The following RTN1 variants were observed in gnomAD, a reference collection of about 807,000 sequenced individuals.
The protein encoded by RTN1 is reticulon-1.
Under a neutral mutation model 65.5 loss-of-function variants are expected in RTN1, and 25 were observed. The observed-to-expected ratio is 0.38, with a 90% CI of 0.28 to 0.53. RTN1 has a LOEUF of 0.53. Ranked by LOEUF, RTN1 falls within the 20% of genes least tolerant of loss-of-function variation. RTN1 has a pLI of 0.79. For missense variants in RTN1, 983 were observed against 1,025.4 expected (o/e 0.96, Z 0.57); for synonymous variants, 471 against 447.6 (o/e 1.05, Z -0.66).
intron 1 of RTN1, among the ~76,000 whole-genome samples, chr14:59,835,264 A>C (rs1281041563): frequency 6.6e-6 from 1 of 152,154 alleles, no homozygotes; most frequent in African/African-American, 2.4e-5. Context: ...AAAATAGCAT[A>C]TATGGTATGA....
intron 1 of RTN1, among the ~76,000 whole-genome samples, chr14:59,785,487 C>T (rs1886234895): frequency 1.3e-5 from 2 of 152,160 alleles, no homozygotes; most frequent in South Asian, 4.1e-4. Context: ...TTTGTCTCTA[C>T]CTAAATACAT....
At chr14:59,793,382 A>C (rs993134629) in intron 1 of RTN1, among the ~76,000 whole-genome samples, 15 of 152,216 alleles carry the variant, frequency 9.9e-5, no homozygotes, top group Admixed American at 9.8e-4. Flanking sequence ...AGCTGTCCTT[A>C]GAATAAAAGG....
At chr14:59,655,227 T>C (rs1038992482) in intron 3 of RTN1, among the ~76,000 whole-genome samples, 3 of 152,088 alleles carry the variant, frequency 2.0e-5, no homozygotes, top group African/African-American at 7.2e-5. Flanking sequence ...AGGAATAAAA[T>C]ACTTAGGAAT....
At chr14:59,834,169 A>G (rs980576596) in intron 1 of RTN1, among the ~76,000 whole-genome samples, 1 of 152,214 alleles carries the variant, frequency 6.6e-6, no homozygotes, top group Middle Eastern at 3.2e-3. Flanking sequence ...AAGGAAAAAA[A>G]AGATGAACTT....
intron 3 of RTN1, among the ~76,000 whole-genome samples, chr14:59,721,516 C>A (rs1259287648): frequency 6.6e-6 from 1 of 152,052 alleles, no homozygotes; most frequent in African/African-American, 2.4e-5. Context: ...AGATGTATGC[C>A]CCAGCCAGTT....
chr14:59,771,319 G>A (rs967141059), intron 1 of RTN1, among the ~76,000 whole-genome samples: 8 of 152,072 alleles, frequency 5.3e-5, no homozygotes, highest in African/African-American at 1.9e-4. Context: ...TAACCCAATG[G>A]GTTGACTAAG....
chr14:59,669,307 G>A (rs557594222), intron 3 of RTN1, among the ~76,000 whole-genome samples: 2 of 152,254 alleles, frequency 1.3e-5, no homozygotes, highest in South Asian at 2.1e-4. Flanking sequence ...TCTTTGCAGG[G>A]ACATGGATGG....
At chr14:59,859,974 A>G (rs866167524) in intron 1 of RTN1, among the ~76,000 whole-genome samples, 1 of 152,246 alleles carries the variant, frequency 6.6e-6, no homozygotes, top group Middle Eastern at 3.2e-3. Flanking sequence ...GAAACAGAGC[A>G]TAAAAGTTCG....
intron 3 of RTN1, among the ~76,000 whole-genome samples, chr14:59,715,280 T>C (rs2139461208): frequency 6.6e-6 from 1 of 152,330 alleles, no homozygotes; most frequent in East Asian, 1.9e-4. Context: ...TCAGAGAACT[T>C]TGCCCTCAGG....
At chr14:59,862,265 T>G (rs1887724242) in intron 1 of RTN1, among the ~76,000 whole-genome samples, 1 of 152,204 alleles carries the variant, frequency 6.6e-6, no homozygotes, top group East Asian at 1.9e-4. Flanking sequence ...TGTCCCTTCC[T>G]AAAGATATCC....
intron 2 of RTN1, among the ~76,000 whole-genome samples, chr14:59,740,009 G>A (rs1885084570): frequency 6.6e-6 from 1 of 152,200 alleles, no homozygotes; most frequent in South Asian, 2.1e-4. Flanking sequence ...CGTTGTTCTG[G>A]AGACAGGCTG....
At chr14:59,820,356 G>GTTTTTTTTTTTTTT (rs34274539) in intron 1 of RTN1, among the ~76,000 whole-genome samples, 3 of 79,328 alleles carry the variant, frequency 3.8e-5, no homozygotes, top group African/African-American at 1.4e-4. Flanking sequence ...CTTATTGATA[G>GTTTTTTTTTTTTTT]TTTTTTTTTT....
chr14:59,834,583 C>G (rs1887182352), intron 1 of RTN1, among the ~76,000 whole-genome samples: 3 of 151,880 alleles, frequency 2.0e-5, no homozygotes, highest in African/African-American at 7.3e-5. Context: ...AGATATATGG[C>G]TAGCAAAGAA....
At chr14:59,621,298 C>T (rs1239065264) in intron 3 of RTN1, among the ~76,000 whole-genome samples, 3 of 152,258 alleles carry the variant, frequency 2.0e-5, no homozygotes, top group African/African-American at 7.2e-5. Context: ...TGCAGAAAAG[C>T]CAGGCGAGAG....
chr14:59,842,511 T>C (rs1231067331), intron 1 of RTN1, among the ~76,000 whole-genome samples: 1 of 152,120 alleles, frequency 6.6e-6, no homozygotes, highest in Non-Finnish European at 1.5e-5. Flanking sequence ...GCTAGCACCA[T>C]TCTAGATCCA....
Position 59,812,723 on chromosome 14 carries a change from G to A in RTN1, c.241+57667C>T, listed in dbSNP as rs185441958. Among the ~76,000 whole-genome samples, 100 of 152,268 alleles carry A rather than the reference G, an allele frequency of 6.6e-4. 3 individuals are homozygous for A. Among genetic ancestry groups the A allele is most frequent in the Non-Finnish European group, 2.1e-4 (14 of 68,022 alleles). ...TAAGCAAACACAAAATTTGTGTTAT[G>A]CTAAAACTATTCCCTAGTATATCAA... On this transcript the variant is annotated intron_variant, in intron 1 of 8. Coordinates refer to ENST00000267484, the MANE Select transcript of RTN1 (RefSeq NM_021136.3).
At chr14:59,800,760 G>A (rs1023963859) in intron 1 of RTN1, among the ~76,000 whole-genome samples, 3 of 152,078 alleles carry the variant, frequency 2.0e-5, no homozygotes, top group Non-Finnish European at 4.4e-5. Context: ...AAAGCAATCA[G>A]TAGAATCAAA....
chr14:59,736,478 G>A (rs1217700661), intron 2 of RTN1, among the ~76,000 whole-genome samples: 1 of 152,040 alleles, frequency 6.6e-6, no homozygotes, highest in African/African-American at 2.4e-5. Flanking sequence ...CAACCAGGAA[G>A]AAACTGAATC....
chr14:59,688,737 C>A (rs1466756984), intron 3 of RTN1, among the ~76,000 whole-genome samples: 4 of 152,086 alleles, frequency 2.6e-5, no homozygotes, highest in Non-Finnish European at 5.9e-5. Context: ...TCTGTAATCA[C>A]ATCCTCCAGG....
Sources: gnomAD v4.1 joint callset for allele counts (sites outside exome capture counted in the v4.1 genomes callset) on GRCh38, gnomAD v4.1.1 for gene constraint, MANE v1.5 for transcripts, NCBI Gene and HGNC (gene_info 2026-07-23, HGNC 2026-07-21) for gene names.